Variants in MPHOSPH9 observed in about 807,000 individuals in gnomAD.
The protein encoded by MPHOSPH9 is M-phase phosphoprotein 9.
A neutral mutation model predicts 145.5 loss-of-function variants in MPHOSPH9; 88 were observed. The ratio of observed to expected loss-of-function variants is 0.60; its 90% CI spans 0.51 to 0.72. The LOEUF (loss-of-function observed/expected upper bound fraction) is 0.72. Among genes scored for constraint, MPHOSPH9 ranks in the 30% least tolerant of loss-of-function variants. MPHOSPH9 has a pLI of 0.00. For synonymous variants in MPHOSPH9, 435 were observed against 486.2 expected (o/e 0.89, Z 1.39); for missense variants, 1,238 against 1,386.6 (o/e 0.89, Z 1.70).
In MPHOSPH9 at chr12:123,165,362, C is replaced by A; in HGVS notation, c.2707G>T (p.Asp903Tyr). ...CAATTTTTAAATATTTTTCCCTCATCAAGTTCTTTTAAAGCTCTCATGATC... is the reference window on the plus strand; with the variant it reads ...CAATTTTTAAATATTTTTCCCTCATAAAGTTCTTTTAAAGCTCTCATGATC... ...TPIMRALKEL[D>Y]EGKIFKNWGT... The change falls in exon 18 of 24, where the codon GAT (aspartate) becomes TAT (tyrosine). Residue 903 changes from aspartate (D) to tyrosine (Y), a missense_variant. Coordinates refer to ENST00000606320, the MANE Select transcript of MPHOSPH9 (RefSeq NM_022782.4). 1 of 1,614,084 alleles carries A rather than the reference C, an allele frequency of 6.2e-7. No homozygotes were observed. Among genetic ancestry groups the A allele is most frequent in the Non-Finnish European group, 8.5e-7 (1 of 1,179,988 alleles).
In MPHOSPH9 at chr12:123,172,875, T is replaced by TTTC. The variant is rs2044650204; in HGVS notation, c.2456+3812_2456+3813insGAA. ...AGACTTTCAGGTTTTCATTCACTTTTTTTTTTTTTTTTTTTTTTTTTTTTG... is the reference window on the plus strand; with the variant it reads ...AGACTTTCAGGTTTTCATTCACTTTTTTCTTTTTTTTTTTTTTTTTTTTTTTTG... On this transcript the variant is annotated intron_variant, in intron 16 of 23. Transcript: ENST00000606320. Among the ~76,000 whole-genome samples the TTTC allele has an allele frequency of 1.8e-5, 2 of 114,024 alleles. 1 individual carries two copies. Among genetic ancestry groups the TTTC allele is most frequent in the Non-Finnish European group, 3.9e-5 (2 of 51,648 alleles). The allele number at this position is 114,024 out of a possible 152,430, so 74.8% of individuals were successfully genotyped here. A position where few individuals can be genotyped will look rare whatever the true frequency, so the allele number is the denominator to read the frequency against.
intron 11 of MPHOSPH9, among the ~76,000 whole-genome samples, chr12:123,200,807 C>T (rs1172491883): frequency 6.6e-6 from 1 of 151,922 alleles, no homozygotes; most frequent in Non-Finnish European, 1.5e-5. Context: ...TACAGGTGCG[C>T]ACCACCACAT....
chr12:123,218,548 CAG>C (rs767911812), intron 5 of MPHOSPH9, 49 bp from the exon 6 acceptor site: 3 of 1,577,276 alleles, frequency 1.9e-6, no homozygotes, highest in African/African-American at 1.4e-5. Flanking sequence ...TGTTTTGAGA[CAG>C]AGTCTTGCTG....
At chr12:123,213,712 A>G (rs978621141) in intron 7 of MPHOSPH9, among the ~76,000 whole-genome samples, 2 of 152,202 alleles carry the variant, frequency 1.3e-5, no homozygotes, top group African/African-American at 4.8e-5. Context: ...TCGAGGAACA[A>G]TTCAGTATAA....
intron 15 of MPHOSPH9, among the ~76,000 whole-genome samples, chr12:123,177,113 C>T (rs1392067952): frequency 1.3e-5 from 2 of 151,992 alleles, no homozygotes; most frequent in East Asian, 3.9e-4. Context: ...TCACTTGAAC[C>T]AGGGAGGTGG....
chr12:123,237,382 A>T (rs1478484918), upstream of MPHOSPH9, among the ~76,000 whole-genome samples: 1 of 152,224 alleles, frequency 6.6e-6, no homozygotes, highest in African/African-American at 2.4e-5. Flanking sequence ...GTGAGCCAAG[A>T]TCACGCCATT....
At chr12:123,188,050 C>T (rs1052566068) in intron 13 of MPHOSPH9, among the ~76,000 whole-genome samples, 2 of 152,126 alleles carry the variant, frequency 1.3e-5, no homozygotes, top group Admixed American at 6.6e-5. Context: ...TGCTTGAAGC[C>T]GGGAGGCAGA....
At chr12:123,196,281 T>C (rs950257291) in intron 12 of MPHOSPH9, among the ~76,000 whole-genome samples, 4 of 151,840 alleles carry the variant, frequency 2.6e-5, no homozygotes, top group African/African-American at 9.7e-5. Context: ...ACCAGGGAGA[T>C]GGAGGTTGCA....
In MPHOSPH9 at chr12:123,158,746, C is replaced by G. The variant is rs371229486; in HGVS notation, c.3451-1838G>C. On this transcript the variant is annotated intron_variant, in intron 23 of 23. Transcript: ENST00000606320. Reference sequence around the variant, plus strand: ...TCTTGGGTTCAAGTGAACCTCCTGCCTCAGCCTCCAAGTAGCTGAGATTGC... The same window carrying G: ...TCTTGGGTTCAAGTGAACCTCCTGCGTCAGCCTCCAAGTAGCTGAGATTGC... Among the ~76,000 whole-genome samples the G allele has an allele frequency of 9.2e-5, 14 of 152,298 alleles. No homozygotes were observed. In the South Asian group the frequency reaches 1.5e-3, roughly 16 times the overall value.
chr12:123,189,657 G>A (rs971057500), intron 13 of MPHOSPH9, among the ~76,000 whole-genome samples: 8 of 152,144 alleles, frequency 5.3e-5, no homozygotes, highest in South Asian at 2.1e-4. Flanking sequence ...TATTAAGGCC[G>A]GGCACGGTGG....
At chr12:123,193,901 T>C (rs1056211279) in intron 13 of MPHOSPH9, among the ~76,000 whole-genome samples, 2 of 152,014 alleles carry the variant, frequency 1.3e-5, no homozygotes, top group African/African-American at 2.4e-5. Context: ...AGTATCTGAC[T>C]TCGTGCTGCA....
Position 123,221,772 on chromosome 12 carries a change from G to C in MPHOSPH9, c.472C>G (p.Leu158Val), listed in dbSNP as rs763466534. The change falls in exon 5 of 24, where the codon CTA (leucine) becomes GTA (valine). Residue 158 changes from leucine to valine, a missense_variant. Around this residue, in one of 3 missense-constraint regions of MPHOSPH9, gnomAD observed 837 missense variants for 897.5 expected, o/e 0.93. Transcript: ENST00000606320. ...SSESQMGFFS[L>V]SSERNESVIH... ...ACAGATTCATTTCTCTCACTGCTTA[G>C]AGAAAAAAAACCCATTTGACTTTCC... 4.6e-5 allele frequency: 75 copies of C among 1,613,624 alleles called. No homozygotes were observed. The highest frequency in any genetic ancestry group is 6.4e-5 in the Non-Finnish European group (75 of 1,179,896).
chr12:123,183,547 C>CAAA lies in MPHOSPH9; in HGVS notation c.2242-2340_2242-2338dup, dbSNP rs746928699. Among the ~76,000 whole-genome samples, 439 of 59,588 alleles carry CAAA rather than the reference C, an allele frequency of 7.4e-3. 18 individuals carry two copies. Among genetic ancestry groups the CAAA allele is most frequent in the South Asian group, 0.024 (27 of 1,132 alleles). 39.1% of individuals were successfully genotyped at this position (59,588 alleles called of 152,430 possible). Reference sequence around the variant, plus strand: ...AAGGTGACAGAGCAAGACTCTGTCTCAAAAAAAAAAAAAAAAAAAAAAAGA... The same window carrying CAAA: ...AAGGTGACAGAGCAAGACTCTGTCTCAAAAAAAAAAAAAAAAAAAAAAAAAAGA... On this transcript the variant is annotated intron_variant, in intron 13 of 23. Coordinates refer to ENST00000606320, the MANE Select transcript of MPHOSPH9 (RefSeq NM_022782.4).
At chr12:123,201,600 G>A (rs1231349978) in intron 11 of MPHOSPH9, among the ~76,000 whole-genome samples, 1 of 151,954 alleles carries the variant, frequency 6.6e-6, no homozygotes, top group African/African-American at 2.4e-5. Context: ...GGCTGGTCTT[G>A]AACTCCTGAG....
intron 8 of MPHOSPH9, among the ~76,000 whole-genome samples, chr12:123,204,093 G>C (rs990882739): frequency 2.0e-5 from 3 of 152,024 alleles, no homozygotes; most frequent in Non-Finnish European, 4.4e-5. Flanking sequence ...ACTTGAAGTC[G>C]AGAGTTTGAG....
chr12:123,198,288 T>G lies in MPHOSPH9; in HGVS notation c.1984A>C (p.Arg662=). The G allele has an allele frequency of 6.2e-7, 1 of 1,612,454 alleles. No individual in the cohort carries two copies. ...SALHEATSRV[R]TLENKNNLLE... ...AAGTTATTCTTATTTTCAAGTGTTCTCACGCGACTAGTAGCTTCATGCAAA... is the reference window on the plus strand; with the variant it reads ...AAGTTATTCTTATTTTCAAGTGTTCGCACGCGACTAGTAGCTTCATGCAAA... The change falls in exon 12 of 24, where the codon AGA becomes CGA. Residue 662 remains arginine (R), a synonymous_variant. Coordinates refer to ENST00000606320, the MANE Select transcript of MPHOSPH9 (RefSeq NM_022782.4).
At chr12:123,183,372 A>AC (rs2045281327) in intron 13 of MPHOSPH9, among the ~76,000 whole-genome samples, 1 of 151,578 alleles carries the variant, frequency 6.6e-6, no homozygotes, top group African/African-American at 2.4e-5. Context: ...ACATAGCGAA[A>AC]CCCCGTCTCT....
chr12:123,196,898 G>A (rs1336422707), intron 12 of MPHOSPH9, among the ~76,000 whole-genome samples: 1 of 152,128 alleles, frequency 6.6e-6, no homozygotes, highest in African/African-American at 2.4e-5. Context: ...AGCCAGACAC[G>A]AAAGGCCACA....
At chr12:123,194,364 G>A (rs376749291) in intron 13 of MPHOSPH9, 22 bp downstream of exon 13, 3 of 1,441,840 alleles carry the variant, frequency 2.1e-6, no homozygotes, top group African/African-American at 1.4e-5. Context: ...ACGTCATTAA[G>A]TTACTATTAT....
Sources: allele counts gnomAD v4.1 joint callset (sites outside exome capture counted in the v4.1 genomes callset), GRCh38; gene constraint gnomAD v4.1.1; regional missense constraint gnomAD v4.1.1; transcripts MANE v1.5; gene names NCBI Gene and HGNC (gene_info 2026-07-23, HGNC 2026-07-21).